SHANK2: variants seen among roughly 807,000 people sequenced by gnomAD.
SHANK2 encodes the protein SH3 and multiple ankyrin repeat domains 2.
A neutral mutation model predicts 133.7 loss-of-function variants in SHANK2; 43 were observed. The observed-to-expected ratio is 0.32, with a 90% CI of 0.25 to 0.41. The LOEUF is 0.41. Ranked by LOEUF, SHANK2 falls within the 10% of genes least tolerant of loss-of-function variation. The pLI is 1.00. For synonymous variants in SHANK2, 1,017 were observed against 952.8 expected, an observed-to-expected ratio of 1.07 and a Z score of -1.24; for missense variants, 1,994 against 2,235.8, an observed-to-expected ratio of 0.89 and a Z score of 2.18.
intron 17 of SHANK2, among the ~76,000 whole-genome samples, chr11:70,557,023 C>T (rs55826392): frequency 0.15 from 22,603 of 152,078 alleles, 1,857 homozygotes; most frequent in East Asian, 0.36. Context: ...CACACCTAGG[C>T]GAGCCTGACT....
chr11:70,561,643 T>C (rs1554980904), intron 17 of SHANK2, among the ~76,000 whole-genome samples: 1 of 151,828 alleles, frequency 6.6e-6, no homozygotes, highest in Non-Finnish European at 1.5e-5. Flanking sequence ...ATGTTCCCAC[T>C]TCAGCCTTCA....
intron 3 of SHANK2, among the ~76,000 whole-genome samples, chr11:71,144,662 G>GA (rs763729677): frequency 5.3e-5 from 8 of 151,676 alleles, no homozygotes; most frequent in Non-Finnish European, 8.8e-5. Flanking sequence ...AGTGAAAAGG[G>GA]AAAAAAAACT....
At chr11:71,220,424 G>A (rs1954512201) in intron 2 of SHANK2, among the ~76,000 whole-genome samples, 1 of 152,128 alleles carries the variant, frequency 6.6e-6, no homozygotes. Flanking sequence ...CCATTTCTGG[G>A]GGTAGGTATA....
At chr11:70,523,916 C>T (rs555791186) in intron 17 of SHANK2, among the ~76,000 whole-genome samples, 73 of 152,170 alleles carry the variant, frequency 4.8e-4, no homozygotes, top group Non-Finnish European at 8.2e-4. Flanking sequence ...CTGCTCCGCA[C>T]GGCCACTGCA....
chr11:71,066,275 ACGAAGATGAGCAGAGAGTG>A (rs2135952753), intron 9 of SHANK2, among the ~76,000 whole-genome samples: 2 of 30,858 alleles, frequency 6.5e-5, no homozygotes, highest in African/African-American at 1.3e-4. Flanking sequence ...GAACTCTCCC[ACGAAGATGAGCAGAGAGTG>A]GGGAAGTTGT....
At chr11:70,548,709 A>G (rs782465839) in intron 17 of SHANK2, among the ~76,000 whole-genome samples, 4 of 152,186 alleles carry the variant, frequency 2.6e-5, no homozygotes, top group Non-Finnish European at 5.9e-5. Flanking sequence ...ACCTATGTCC[A>G]TGTCCTAACC....
At chr11:70,908,475 T>C (rs924502003) in intron 10 of SHANK2, among the ~76,000 whole-genome samples, 2 of 152,182 alleles carry the variant, frequency 1.3e-5, no homozygotes, top group Non-Finnish European at 2.9e-5. Context: ...TGGCTGCACT[T>C]TTCTTCCTGC....
chr11:70,680,541 C>T (rs558429722), intron 15 of SHANK2, among the ~76,000 whole-genome samples: 1 of 152,176 alleles, frequency 6.6e-6, no homozygotes, highest in South Asian at 2.1e-4. Flanking sequence ...GATGAGGATC[C>T]CTGTGATGGC....
At chr11:71,187,901 G>A (rs1430051404) in intron 2 of SHANK2, among the ~76,000 whole-genome samples, 2 of 152,182 alleles carry the variant, frequency 1.3e-5, no homozygotes, top group Non-Finnish European at 2.9e-5. Context: ...AACGCAACGT[G>A]CTGTGCATGT....
intron 17 of SHANK2, among the ~76,000 whole-genome samples, chr11:70,509,644 G>A (rs1363701269): frequency 2.0e-5 from 3 of 152,236 alleles, no homozygotes; most frequent in Non-Finnish European, 4.4e-5. Context: ...ACTTGCAGTG[G>A]CTGCATGTCT....
chr11:70,593,886 G>C (rs1344553659), intron 17 of SHANK2, among the ~76,000 whole-genome samples: 1 of 152,124 alleles, frequency 6.6e-6, no homozygotes, highest in East Asian at 1.9e-4. Context: ...TCCAGATGCT[G>C]TTCTAGGCTC....
At chr11:70,633,451 A>G (rs2061028126) in intron 17 of SHANK2, 3 of 152,178 alleles carry the variant, frequency 2.0e-5, no homozygotes, top group Non-Finnish European at 2.9e-5. Flanking sequence ...AGTAGAGATC[A>G]CTGAAGCATC....
chr11:71,056,327 A>G (rs908609416), intron 10 of SHANK2, among the ~76,000 whole-genome samples, 154 bp downstream of exon 10: 7 of 152,210 alleles, frequency 4.6e-5, no homozygotes, highest in Non-Finnish European at 1.0e-4. Context: ...TTGCACTAAG[A>G]GAGGGAGGCA....
intron 17 of SHANK2, among the ~76,000 whole-genome samples, chr11:70,599,435 G>A (rs192263179): frequency 1.9e-5 from 2 of 103,860 alleles, no homozygotes; most frequent in African/African-American, 6.2e-5. Context: ...GTGAAACCCC[G>A]TCTCTACTAA....
intron 10 of SHANK2, chr11:70,950,105 T>A (rs1555086214): frequency 6.6e-6 from 3 of 456,476 alleles, no homozygotes; most frequent in South Asian, 4.6e-5. Flanking sequence ...TTACCTAGAC[T>A]GGAATGCAAT....
At chr11:70,623,180 A>AC (rs2060854880) in intron 17 of SHANK2, among the ~76,000 whole-genome samples, 1 of 146,964 alleles carries the variant, frequency 6.8e-6, no homozygotes, top group Non-Finnish European at 1.5e-5. Flanking sequence ...CGTCTCAATC[A>AC]AAAAAAAAAA....
In SHANK2 at chr11:71,234,217, C is replaced by T. The variant is rs1591043105; in HGVS notation, c.-112-9421G>A. 2.3e-5 allele frequency among the ~76,000 whole-genome samples: 3 copies of T among 130,260 alleles called. No homozygotes were observed. The South Asian group carries it at 7.7e-4, about 33-fold the overall frequency. 85.5% of individuals were successfully genotyped at this position (130,260 alleles called of 152,430 possible). A position where few individuals can be genotyped will look rare whatever the true frequency, so the allele number is the denominator to read the frequency against. On this transcript the variant is annotated intron_variant, in intron 1 of 25. Coordinates refer to ENST00000601538, the MANE Select transcript of SHANK2 (RefSeq NM_012309.5). ...AAAAAAAAAAAAAAAAAAATATCAG[C>T]TGGGTGTGGTGGTGCGTGCCTGTAA... is the stretch of plus-strand genomic sequence containing the variant.
chr11:70,898,540 G>A (rs782752262), intron 10 of SHANK2, among the ~76,000 whole-genome samples: 14 of 152,220 alleles, frequency 9.2e-5, no homozygotes, highest in Admixed American at 1.3e-4. Flanking sequence ...AGTGATGCTC[G>A]TTCTAAAGTG....
At chr11:70,795,325 A>C (rs1205137389) in intron 14 of SHANK2, among the ~76,000 whole-genome samples, 1 of 152,028 alleles carries the variant, frequency 6.6e-6, no homozygotes, top group Non-Finnish European at 1.5e-5. Context: ...GCGGCCCATC[A>C]GTTTACTTGA....
Sources: allele counts gnomAD v4.1 joint callset (sites outside exome capture counted in the v4.1 genomes callset), GRCh38; gene constraint gnomAD v4.1.1; transcripts MANE v1.5; gene names NCBI Gene and HGNC (gene_info 2026-07-23, HGNC 2026-07-21).